TENM4: variants seen among roughly 807,000 people sequenced by gnomAD.
TENM4 encodes the protein teneurin transmembrane protein 4.
A neutral mutation model predicts 243.3 loss-of-function variants in TENM4; 82 were observed. The ratio of observed to expected loss-of-function variants is 0.34; its 90% confidence interval spans 0.28 to 0.40. The LOEUF (loss-of-function observed/expected upper bound fraction) is 0.40. Among genes scored for constraint, TENM4 ranks in the 10% least tolerant of loss-of-function variants. The pLI, the probability that TENM4 is intolerant of heterozygous loss-of-function variation, is 1.00. For synonymous variants in TENM4, 1,412 were observed against 1,456.3 expected (o/e 0.97, Z 0.69); for missense variants, 3,138 against 3,673.3 (o/e 0.85, Z 3.77).
chr11:78,898,593 C>T, intron 7 of TENM4, among the ~76,000 whole-genome samples: 1 of 152,174 alleles, frequency 6.6e-6, no homozygotes, highest in East Asian at 1.9e-4. Context: ...CTGGGAGACT[C>T]CTGCTTGCTC....
At chr11:78,903,165 C>A (rs1855969967) in intron 7 of TENM4, 103 bp downstream of exon 7, 1 of 1,388,212 alleles carries the variant, frequency 7.2e-7, no homozygotes, top group Non-Finnish European at 9.4e-7. Flanking sequence ...CTCCTCCGGC[C>A]GGCGTTATCT....
chr11:79,168,471 C>A (rs558416215), intron 3 of TENM4, among the ~76,000 whole-genome samples: 1 of 152,052 alleles, frequency 6.6e-6, no homozygotes, highest in East Asian at 1.9e-4. Context: ...AAAAGTTGGC[C>A]GGGCAAAGAG....
Position 78,963,006 on chromosome 11 carries a change from C to A in TENM4, c.494-59483G>T, listed in dbSNP as rs545709563. ...CTCTGGAACCTGCCTAAAAGCAAGA[C>A]CCTTAGGAAATTTTGTTCATGTCTT... On this transcript the variant is annotated intron_variant, in intron 6 of 33. Transcript: ENST00000278550. Among the ~76,000 whole-genome samples the A allele has an allele frequency of 2.4e-4, 36 of 152,300 alleles. No homozygotes were observed. In the East Asian group the frequency reaches 6.9e-3, roughly 29 times the overall value.
intron 4 of TENM4, among the ~76,000 whole-genome samples, chr11:79,132,509 A>C (rs1330002925): frequency 6.6e-6 from 1 of 152,196 alleles, no homozygotes; most frequent in Non-Finnish European, 1.5e-5. Flanking sequence ...ATAGTTATAT[A>C]CAGAACATTT....
intron 12 of TENM4, among the ~76,000 whole-genome samples, chr11:78,843,095 A>G (rs902599930): frequency 3.3e-5 from 5 of 152,146 alleles, no homozygotes; most frequent in South Asian, 2.1e-4. Flanking sequence ...CCTGGCCAAC[A>G]TGGTAAAATC....
chr11:78,967,149 C>G (rs1477748357), intron 6 of TENM4, among the ~76,000 whole-genome samples: 1 of 152,168 alleles, frequency 6.6e-6, no homozygotes, highest in African/African-American at 2.4e-5. Context: ...GCATTTGGCA[C>G]CCCCTCTAGG....
At chr11:78,828,350 T>C (rs1337268671) in intron 12 of TENM4, among the ~76,000 whole-genome samples, 3 of 152,190 alleles carry the variant, frequency 2.0e-5, no homozygotes, top group East Asian at 1.9e-4. Flanking sequence ...TGTAGTAATA[T>C]CACTTTGCAG....
chr11:79,285,608 T>A (rs923628990), intron 2 of TENM4, among the ~76,000 whole-genome samples: 6 of 152,134 alleles, frequency 3.9e-5, no homozygotes, highest in African/African-American at 1.4e-4. Context: ...ATAACCCTAA[T>A]GCCCATCAAC....
chr11:78,904,179 T>G (rs1856007482), intron 6 of TENM4, among the ~76,000 whole-genome samples: 1 of 151,586 alleles, frequency 6.6e-6, no homozygotes, highest in African/African-American at 2.4e-5. Context: ...GCTAACATGG[T>G]GAAACCCTGT....
intron 19 of TENM4, among the ~76,000 whole-genome samples, chr11:78,748,448 A>G (rs566257688): frequency 1.4e-4 from 21 of 152,168 alleles, no homozygotes; most frequent in Non-Finnish European, 2.9e-4. Context: ...TGGGTTTTTT[A>G]TGATGTAGTA....
At chr11:79,377,999 A>G (rs1429232338) in intron 1 of TENM4, among the ~76,000 whole-genome samples, 1 of 152,186 alleles carries the variant, frequency 6.6e-6, no homozygotes, top group Non-Finnish European at 1.5e-5. Flanking sequence ...AACACTAAAC[A>G]CAGTTGAACA....
intron 1 of TENM4, among the ~76,000 whole-genome samples, chr11:79,352,072 C>T (rs986705617): frequency 1.3e-5 from 2 of 152,212 alleles, no homozygotes; most frequent in South Asian, 4.1e-4. Context: ...ATAAAAGATT[C>T]AGGAAACATA....
At chr11:79,133,419 A>G (rs1011423567) in intron 4 of TENM4, among the ~76,000 whole-genome samples, 1 of 152,206 alleles carries the variant, frequency 6.6e-6, no homozygotes, top group African/African-American at 2.4e-5. Context: ...ATTCTACCAG[A>G]CAGTCAAAGA....
intron 5 of TENM4, among the ~76,000 whole-genome samples, chr11:79,069,035 A>G (rs914339980): frequency 3.9e-5 from 6 of 152,144 alleles, no homozygotes; most frequent in African/African-American, 1.4e-4. Context: ...AAGAAAAATG[A>G]TAATGGTTTG....
chr11:79,396,740 T>C (rs1294149817), intron 1 of TENM4, among the ~76,000 whole-genome samples: 1 of 152,232 alleles, frequency 6.6e-6, no homozygotes, highest in Non-Finnish European at 1.5e-5. Flanking sequence ...TCAGGCATGG[T>C]GGCCACTGGG....
chr11:78,962,914 A>C (rs1200965000), intron 6 of TENM4, among the ~76,000 whole-genome samples: 2 of 152,254 alleles, frequency 1.3e-5, no homozygotes, highest in African/African-American at 4.8e-5. Context: ...GCAGTCTAGG[A>C]TTTCAACACA....
intron 2 of TENM4, among the ~76,000 whole-genome samples, chr11:79,284,963 C>T (rs1856223067): frequency 6.6e-6 from 1 of 152,076 alleles, no homozygotes; most frequent in African/African-American, 2.4e-5. Context: ...ATTGGCCAGG[C>T]ACGGTGGCTC....
At chr11:79,437,571 A>T (rs1859300809) in intron 1 of TENM4, among the ~76,000 whole-genome samples, 1 of 152,156 alleles carries the variant, frequency 6.6e-6, no homozygotes, top group Admixed American at 6.5e-5. Context: ...GAGGAGCCCA[A>T]AGTTGGCGGC....
At chr11:78,912,909 A>G (rs1334951942) in intron 6 of TENM4, among the ~76,000 whole-genome samples, 1 of 152,140 alleles carries the variant, frequency 6.6e-6, no homozygotes, top group Non-Finnish European at 1.5e-5. Context: ...TACTCCACCA[A>G]ATTTCATTCT....
Sources: gnomAD v4.1 joint callset for allele counts (sites outside exome capture counted in the v4.1 genomes callset) on GRCh38, gnomAD v4.1.1 for gene constraint, MANE v1.5 for transcripts, NCBI Gene and HGNC (gene_info 2026-07-23, HGNC 2026-07-21) for gene names.